Variants in ANKRD36 observed in about 807,000 individuals in gnomAD.
The protein encoded by ANKRD36 is ankyrin repeat domain 36, also known as ankyrin repeat domain-containing protein 36A.
A neutral mutation model predicts 278.1 loss-of-function variants in ANKRD36; 179 were observed. The ratio of observed to expected loss-of-function variants is 0.64; its 90% CI spans 0.57 to 0.73. The LOEUF is 0.73. ANKRD36 is among the 30% of genes least tolerant of loss of function. The probability of loss-of-function intolerance (pLI) is 0.00; values close to 1 mark genes in which losing one functional copy is unlikely to be tolerated. For synonymous variants in ANKRD36, 320 were observed against 641.1 expected (o/e 0.50, Z 7.57); for missense variants, 1,159 against 1,956.7 (o/e 0.59, Z 7.69).
At chr2:97,169,416 A>T (rs2051713192) in intron 22 of ANKRD36, among the ~76,000 whole-genome samples, 1 of 152,262 alleles carries the variant, frequency 6.6e-6, no homozygotes, top group South Asian at 2.1e-4. Flanking sequence ...CACTCTGATC[A>T]TAGTATTGGA....
chr2:97,181,697 T>C, intron 25 of ANKRD36, 24 bp from the exon 26 acceptor site: 1 of 1,607,220 alleles, frequency 6.2e-7, no homozygotes, highest in South Asian at 1.1e-5. Flanking sequence ...ACATATTGAT[T>C]ATTTTGTTTC....
chr2:97,159,066 A>G (rs1266755685), intron 17 of ANKRD36, among the ~76,000 whole-genome samples: 2 of 152,158 alleles, frequency 1.3e-5, no homozygotes, highest in African/African-American at 4.8e-5. Context: ...TGTCAAGATG[A>G]CAAAGATTAG....
At chr2:97,150,216 ACT>A (rs1279877069) in intron 12 of ANKRD36, among the ~76,000 whole-genome samples, 3 of 151,880 alleles carry the variant, frequency 2.0e-5, no homozygotes, top group South Asian at 4.2e-4. Context: ...ATAAACAGAG[ACT>A]CTTCATATTT....
intron 1 of ANKRD36, among the ~76,000 whole-genome samples, chr2:97,117,309 G>C (rs946790036): frequency 6.6e-6 from 1 of 150,672 alleles, no homozygotes; most frequent in African/African-American, 2.4e-5. Context: ...TTTTATTTTT[G>C]CCTTCTTTTT....
chr2:97,231,718 C>T (rs2072181835), intron 67 of ANKRD36, among the ~76,000 whole-genome samples: 1 of 152,124 alleles, frequency 6.6e-6, no homozygotes, highest in African/African-American at 2.4e-5. Context: ...AACCACCCAT[C>T]TTCTGCGTCG....
chr2:97,123,055 A>C, intron 4 of ANKRD36, 62 bp downstream of exon 4: 2 of 1,306,812 alleles, frequency 1.5e-6, no homozygotes, highest in Non-Finnish European at 2.1e-6. Context: ...GTGTGGTAGC[A>C]GTCCCTCAAG....
At chr2:97,140,598 A>T (rs2042658764) in intron 6 of ANKRD36, among the ~76,000 whole-genome samples, 1 of 152,022 alleles carries the variant, frequency 6.6e-6, no homozygotes, top group African/African-American at 2.4e-5. Context: ...ACAGCTGTGA[A>T]AGAGTGTCTA....
intron 15 of ANKRD36, among the ~76,000 whole-genome samples, chr2:97,156,584 T>C (rs1368727404): frequency 1.6e-4 from 22 of 135,974 alleles, no homozygotes; most frequent in Admixed American, 8.2e-4. Flanking sequence ...TATTCCATGG[T>C]GTATATGTGC....
chr2:97,164,064 G>T, intron 18 of ANKRD36: 1 of 984,382 alleles, frequency 1.0e-6, no homozygotes, highest in African/African-American at 1.7e-5. Context: ...TTGCAATCTG[G>T]ACTGCATGTT....
intron 62 of ANKRD36, chr2:97,215,904 G>A (rs2065808901): frequency 2.2e-6 from 1 of 456,750 alleles, no homozygotes; most frequent in Non-Finnish European, 3.8e-6. Context: ...AAACAGCATA[G>A]AATGAGAACG....
At chr2:97,206,476 C>T (rs1315287438) in intron 52 of ANKRD36, among the ~76,000 whole-genome samples, 2 of 151,422 alleles carry the variant, frequency 1.3e-5, no homozygotes, top group Admixed American at 1.3e-4. Flanking sequence ...ATCGATTTTA[C>T]AGATGTCACA....
At chr2:97,190,718 T>C (rs369774804) in intron 34 of ANKRD36, among the ~76,000 whole-genome samples, 38 of 151,712 alleles carry the variant, frequency 2.5e-4, no homozygotes, top group East Asian at 1.6e-3. Flanking sequence ...ACATTGATAT[T>C]GACACGGTTT....
chr2:97,201,522 T>G (rs933693163), intron 46 of ANKRD36, among the ~76,000 whole-genome samples: 1 of 151,948 alleles, frequency 6.6e-6, no homozygotes, highest in Non-Finnish European at 1.5e-5. Context: ...TTATTGAGGC[T>G]AATATATTAT....
chr2:97,198,264 G>A (rs181637782), intron 42 of ANKRD36, among the ~76,000 whole-genome samples, 199 bp from the exon 43 acceptor site: 633 of 151,842 alleles, frequency 4.2e-3, no homozygotes, highest in Middle Eastern at 0.01. Flanking sequence ...GAAATTCTAA[G>A]ACTATATTTC....
intron 19 of ANKRD36, 34 bp from the exon 20 acceptor site, chr2:97,164,363 A>C: frequency 6.5e-7 from 1 of 1,537,362 alleles, no homozygotes; most frequent in Non-Finnish European, 8.7e-7. Context: ...TATATACATG[A>C]TATGTTAATC....
intron 66 of ANKRD36, among the ~76,000 whole-genome samples, chr2:97,222,292 G>A (rs1194908965): frequency 1.3e-5 from 2 of 152,024 alleles, no homozygotes; most frequent in Non-Finnish European, 2.9e-5. Flanking sequence ...GAACTTTAAA[G>A]TAGTTTTTTC....
At chr2:97,158,924 A>G (rs1467483058) in intron 17 of ANKRD36, among the ~76,000 whole-genome samples, 1 of 152,124 alleles carries the variant, frequency 6.6e-6, no homozygotes, top group Non-Finnish European at 1.5e-5. Flanking sequence ...GATTCCTAAA[A>G]GGTCATGGGA....
intron 67 of ANKRD36, among the ~76,000 whole-genome samples, chr2:97,229,033 T>G (rs2070958729): frequency 6.6e-6 from 1 of 152,084 alleles, no homozygotes; most frequent in African/African-American, 2.4e-5. Flanking sequence ...CTTTTACATT[T>G]GCTGAGGAGA....
chr2:97,196,519 TA>T, intron 40 of ANKRD36, 73 bp from the exon 41 acceptor site: 10 of 1,592,136 alleles, frequency 6.3e-6, no homozygotes, highest in Non-Finnish European at 8.5e-6. Context: ...AGGTTGATGC[TA>T]ACTCTGCTTG....
Sources: allele counts gnomAD v4.1 joint callset (sites outside exome capture counted in the v4.1 genomes callset), GRCh38; gene constraint gnomAD v4.1.1; transcripts MANE v1.5; gene names NCBI Gene and HGNC (gene_info 2026-07-23, HGNC 2026-07-21).